Variants in ALK observed in about 807,000 individuals in gnomAD.
The protein encoded by ALK is ALK tyrosine kinase receptor.
A neutral mutation model predicts 163.1 loss-of-function variants in ALK; 74 were observed. The ratio of observed to expected loss-of-function variants is 0.45; its 90% CI spans 0.38 to 0.55. The LOEUF is 0.55. ALK is among the 20% of genes least tolerant of loss of function. ALK has a pLI of 0.00. For missense variants in ALK, 2,063 were observed against 2,105.3 expected (o/e 0.98, Z 0.39); for synonymous variants, 960 against 843.2 (o/e 1.14, Z -2.40).
intron 4 of ALK, among the ~76,000 whole-genome samples, chr2:29,515,220 C>T (rs1448453661): frequency 2.6e-5 from 4 of 152,218 alleles, no homozygotes; most frequent in Non-Finnish European, 5.9e-5. Context: ...CTCCCCTGAG[C>T]CCCTGGCCTA....
At chr2:29,563,072 G>A (rs1218509826) in intron 3 of ALK, among the ~76,000 whole-genome samples, 1 of 152,174 alleles carries the variant, frequency 6.6e-6, no homozygotes, top group Non-Finnish European at 1.5e-5. Flanking sequence ...GGCTATGCTG[G>A]ACTCCTCTCT....
At chr2:29,536,735 A>G (rs1409266014) in intron 3 of ALK, among the ~76,000 whole-genome samples, 8 of 152,240 alleles carry the variant, frequency 5.3e-5, no homozygotes, top group Non-Finnish European at 1.5e-5. Flanking sequence ...TTAGAGACTA[A>G]TTAAATAGTT....
At chr2:29,208,129 G>A in intron 25 of ALK, 1 of 437,920 alleles carries the variant, frequency 2.3e-6, no homozygotes, top group Non-Finnish European at 4.7e-6. Context: ...TATATGCATT[G>A]CAATATAGAA....
intron 12 of ALK, among the ~76,000 whole-genome samples, chr2:29,247,171 C>T (rs531866799): frequency 6.7e-6 from 1 of 150,082 alleles, no homozygotes; most frequent in African/African-American, 2.5e-5. Flanking sequence ...AGCGCCTTTC[C>T]CCCGGCCTCC....
chr2:29,209,933 A>C, intron 24 of ALK, 55 bp from the exon 25 acceptor site: 1 of 1,399,648 alleles, frequency 7.1e-7, no homozygotes, highest in Admixed American at 1.7e-5. Context: ...ATGAGTGTAC[A>C]ACGGCCATCA....
intron 1 of ALK, among the ~76,000 whole-genome samples, chr2:29,771,688 C>T (rs1182444972): frequency 2.6e-5 from 4 of 152,130 alleles, no homozygotes; most frequent in Admixed American, 1.3e-4. Context: ...GCGCCTGCCA[C>T]CATGCCCCGC....
At chr2:29,565,278 A>G (rs528098512) in intron 3 of ALK, among the ~76,000 whole-genome samples, 16 of 152,348 alleles carry the variant, frequency 1.1e-4, no homozygotes, top group African/African-American at 3.8e-4. Context: ...GCAAGGACAT[A>G]AAGACCCTAA....
At chr2:29,357,753 C>A (rs1489706482) in intron 5 of ALK, among the ~76,000 whole-genome samples, 2 of 152,200 alleles carry the variant, frequency 1.3e-5, no homozygotes, top group African/African-American at 4.8e-5. Context: ...AATCTGCAGG[C>A]TGACCTTGCA....
intron 8 of ALK, among the ~76,000 whole-genome samples, chr2:29,313,571 C>G (rs1666750261): frequency 6.6e-6 from 1 of 152,152 alleles, no homozygotes; most frequent in Non-Finnish European, 1.5e-5. Context: ...CTCATCAACT[C>G]TCCCCAAGTT....
intron 1 of ALK, among the ~76,000 whole-genome samples, chr2:29,867,470 A>G (rs916210308): frequency 6.6e-6 from 1 of 152,206 alleles, no homozygotes; most frequent in African/African-American, 2.4e-5. Flanking sequence ...AAGGATATTC[A>G]GCCATTTTAT....
At chr2:29,425,921 G>T (rs1670124203) in intron 4 of ALK, among the ~76,000 whole-genome samples, 1 of 152,138 alleles carries the variant, frequency 6.6e-6, no homozygotes, top group Non-Finnish European at 1.5e-5. Context: ...AGAGAACCAT[G>T]GAAATAGATA....
intron 3 of ALK, among the ~76,000 whole-genome samples, chr2:29,685,525 C>A (rs1026305047): frequency 2.6e-5 from 4 of 152,114 alleles, no homozygotes; most frequent in Non-Finnish European, 4.4e-5. Context: ...GACTGCATTT[C>A]CAGCCAGAAT....
At chr2:29,411,058 T>C (rs1042536324) in intron 4 of ALK, among the ~76,000 whole-genome samples, 1 of 152,258 alleles carries the variant, frequency 6.6e-6, no homozygotes, top group South Asian at 2.1e-4. Context: ...TTATTCTGTA[T>C]GCCTTTTTCT....
intron 3 of ALK, among the ~76,000 whole-genome samples, chr2:29,586,262 C>T (rs1267864920): frequency 6.6e-6 from 1 of 150,460 alleles, no homozygotes; most frequent in African/African-American, 2.4e-5. Context: ...TAATGTGAGG[C>T]TTTCATACAT....
intron 3 of ALK, among the ~76,000 whole-genome samples, chr2:29,554,550 A>T (rs1428425476): frequency 1.3e-5 from 2 of 152,172 alleles, no homozygotes; most frequent in African/African-American, 4.8e-5. Context: ...TAACCACTTG[A>T]ATATCTGGAG....
intron 4 of ALK, among the ~76,000 whole-genome samples, chr2:29,396,424 C>T (rs984015997): frequency 3.3e-5 from 5 of 152,080 alleles, no homozygotes; most frequent in African/African-American, 1.2e-4. Flanking sequence ...GCCTGTAATC[C>T]CAGCACTTTA....
At chr2:29,249,364 G>T (rs1290704812) in intron 12 of ALK, among the ~76,000 whole-genome samples, 2 of 152,218 alleles carry the variant, frequency 1.3e-5, no homozygotes, top group African/African-American at 4.8e-5. Context: ...TTGTATACGG[G>T]GTGTGTTGCC....
chr2:29,589,945 CT>C (rs1477875871), intron 3 of ALK, among the ~76,000 whole-genome samples: 3 of 152,180 alleles, frequency 2.0e-5, no homozygotes, highest in African/African-American at 7.2e-5. Flanking sequence ...AATTGCCATT[CT>C]AAAAGGGCTT....
At chr2:29,902,600 A>G (rs575530772) in intron 1 of ALK, among the ~76,000 whole-genome samples, 3 of 152,302 alleles carry the variant, frequency 2.0e-5, no homozygotes, top group African/African-American at 7.2e-5. Context: ...ATCCAACTGT[A>G]CTTACCGACA....
Sources: gnomAD v4.1 joint callset for allele counts (sites outside exome capture counted in the v4.1 genomes callset) on GRCh38, gnomAD v4.1.1 for gene constraint, MANE v1.5 for transcripts, NCBI Gene and HGNC (gene_info 2026-07-23, HGNC 2026-07-21) for gene names.